Variants in MTA3 observed in about 807,000 individuals in gnomAD.
MTA3 encodes metastasis associated 1 family member 3.
Under a neutral mutation model 83.5 loss-of-function variants are expected in MTA3, and 34 were observed. The ratio of observed to expected loss-of-function variants is 0.41; its 90% CI spans 0.31 to 0.54. The LOEUF is 0.54. MTA3 is among the 20% of genes least tolerant of loss of function. The pLI, the probability that MTA3 is intolerant of heterozygous loss-of-function variation, is 0.33. For synonymous variants in MTA3, 303 were observed against 252.7 expected, an observed-to-expected ratio of 1.20 and a Z score of -1.89; for missense variants, 761 against 726.4, an observed-to-expected ratio of 1.05 and a Z score of -0.55.
At chr2:42,595,852 ACT>A (rs1681731084) in intron 3 of MTA3, among the ~76,000 whole-genome samples, 1 of 152,164 alleles carries the variant, frequency 6.6e-6, no homozygotes. Context: ...AATACCAGAC[ACT>A]CTAAATGCTT....
At chr2:42,622,848 T>A (rs1347823490) in intron 4 of MTA3, among the ~76,000 whole-genome samples, 1 of 152,172 alleles carries the variant, frequency 6.6e-6, no homozygotes, top group African/African-American at 2.4e-5. Context: ...AAAGTCAGTC[T>A]TGACAAACAA....
chr2:42,645,530 C>G (rs1172083703), intron 6 of MTA3, among the ~76,000 whole-genome samples: 1 of 9,728 alleles, frequency 1.0e-4, no homozygotes, highest in Non-Finnish European at 1.7e-4. Context: ...GTCTAAAAAA[C>G]AAACAAACAA....
intron 8 of MTA3, among the ~76,000 whole-genome samples, chr2:42,677,714 G>A (rs1691511418): frequency 2.0e-5 from 3 of 152,072 alleles, no homozygotes; most frequent in Admixed American, 2.0e-4. Context: ...TATGTAAGAC[G>A]TGACTTGCTC....
chr2:42,732,729 C>T lies in MTA3; in HGVS notation c.1759+9694C>T, dbSNP rs1668318336. Reference sequence around the variant, plus strand: ...GCTGTTTCCCTTTTAAAACTGAATGCAGTACCCAAGTGACCTCTTGAATGC... The same window carrying T: ...GCTGTTTCCCTTTTAAAACTGAATGTAGTACCCAAGTGACCTCTTGAATGC... On this transcript the variant is annotated intron_variant, in intron 16 of 16. Coordinates refer to ENST00000405094, the MANE Select transcript of MTA3 (RefSeq NM_001330442.2). 2.0e-5 allele frequency among the ~76,000 whole-genome samples: 3 copies of T among 152,168 alleles called. 1 individual carries two copies. The highest frequency in any genetic ancestry group is 2.0e-4 in the Admixed American group (3 of 15,272).
intron 6 of MTA3, among the ~76,000 whole-genome samples, chr2:42,653,568 T>A (rs991132923): frequency 1.3e-5 from 2 of 152,236 alleles, no homozygotes; most frequent in African/African-American, 4.8e-5. Flanking sequence ...GATCGTTTGA[T>A]ATAGAGAATT....
At chr2:42,709,917 A>G (rs978548678) in intron 14 of MTA3, among the ~76,000 whole-genome samples, 3 of 152,140 alleles carry the variant, frequency 2.0e-5, no homozygotes, top group African/African-American at 7.2e-5. Context: ...ATATGTGTCC[A>G]TGAATTGTGG....
chr2:42,645,698 A>AC (rs997062928), intron 6 of MTA3, among the ~76,000 whole-genome samples: 2 of 152,170 alleles, frequency 1.3e-5, no homozygotes, highest in Non-Finnish European at 2.9e-5. Context: ...TTCTGTGAAG[A>AC]CTGAGAGGTG....
At chr2:42,650,333 T>C (rs1450816461) in intron 6 of MTA3, among the ~76,000 whole-genome samples, 3 of 152,248 alleles carry the variant, frequency 2.0e-5, no homozygotes, top group Non-Finnish European at 4.4e-5. Flanking sequence ...CAATAAATGT[T>C]AGCTAATATT....
chr2:42,613,916 G>A (rs1335219590), intron 4 of MTA3: 1 of 151,998 alleles, frequency 6.6e-6, no homozygotes, highest in Non-Finnish European at 1.5e-5. Flanking sequence ...TTTTTTTGAG[G>A]GGAAGTGAGA....
At chr2:42,717,045 T>C (rs1236194208) in intron 14 of MTA3, among the ~76,000 whole-genome samples, 1 of 152,008 alleles carries the variant, frequency 6.6e-6, no homozygotes, top group Non-Finnish European at 1.5e-5. Flanking sequence ...AAATAGTATC[T>C]CATTGTGTTT....
intron 5 of MTA3, among the ~76,000 whole-genome samples, chr2:42,641,158 C>T (rs1190277371): frequency 6.6e-6 from 1 of 150,770 alleles, no homozygotes; most frequent in East Asian, 1.9e-4. Flanking sequence ...CTGCCTTCCT[C>T]AGCCTCCCAA....
At chr2:42,588,489 A>AT (rs1208389548) in intron 3 of MTA3, among the ~76,000 whole-genome samples, 1 of 152,210 alleles carries the variant, frequency 6.6e-6, no homozygotes, top group Non-Finnish European at 1.5e-5. Context: ...ATTTTTAATG[A>AT]TTTAGCAGCT....
chr2:42,736,944 G>C (rs1668654161), intron 16 of MTA3, among the ~76,000 whole-genome samples: 1 of 152,186 alleles, frequency 6.6e-6, no homozygotes, highest in African/African-American at 2.4e-5. Context: ...CTGGAATGGG[G>C]GCCTCACAGC....
intron 2 of MTA3, among the ~76,000 whole-genome samples, chr2:42,558,662 T>C (rs2103794271): frequency 6.7e-6 from 1 of 150,124 alleles, no homozygotes; most frequent in East Asian, 2.0e-4. Flanking sequence ...CAAGCAATTC[T>C]CCTTCCTCCC....
At chr2:42,550,811 G>T (rs1458274819) in intron 2 of MTA3, among the ~76,000 whole-genome samples, 1 of 152,146 alleles carries the variant, frequency 6.6e-6, no homozygotes. Context: ...GGAGGCCAAG[G>T]TGGGTGGATC....
intron 3 of MTA3, among the ~76,000 whole-genome samples, chr2:42,606,246 T>A (rs371225817): frequency 8.2e-6 from 1 of 121,990 alleles, no homozygotes; most frequent in Admixed American, 7.9e-5. Flanking sequence ...GGGCGGAGAC[T>A]CTCCTCACTT....
intron 14 of MTA3, among the ~76,000 whole-genome samples, chr2:42,715,639 A>T (rs764251391): frequency 1.3e-5 from 2 of 152,214 alleles, no homozygotes; most frequent in Non-Finnish European, 2.9e-5. Flanking sequence ...ATTGTCACTT[A>T]GAACATCATA....
At chr2:42,533,665 C>T (rs1354338305) in intron 2 of MTA3, among the ~76,000 whole-genome samples, 2 of 149,988 alleles carry the variant, frequency 1.3e-5, no homozygotes, top group Non-Finnish European at 3.0e-5. Context: ...AACCCCGTCT[C>T]TACTAAAAAT....
At chr2:42,535,515 C>G (rs952943953) in intron 2 of MTA3, among the ~76,000 whole-genome samples, 2 of 152,318 alleles carry the variant, frequency 1.3e-5, no homozygotes, top group African/African-American at 2.4e-5. Context: ...GCCTGAGCCA[C>G]TGCACCCAAC....
Sources: gnomAD v4.1 joint callset for allele counts (sites outside exome capture counted in the v4.1 genomes callset) on GRCh38, gnomAD v4.1.1 for gene constraint, MANE v1.5 for transcripts, NCBI Gene and HGNC (gene_info 2026-07-23, HGNC 2026-07-21) for gene names.